The following IQCH variants were observed in gnomAD, a reference collection of about 807,000 sequenced individuals.
The protein encoded by IQCH is IQ domain-containing protein H.
Under a neutral mutation model 117.0 loss-of-function variants are expected in IQCH, and 98 were observed. The ratio of observed to expected loss-of-function variants is 0.84; its 90% CI spans 0.71 to 0.99. The LOEUF is 0.99. Among genes scored for constraint, IQCH ranks in the 50% least tolerant of loss-of-function variants. IQCH has a pLI of 0.00. For missense variants in IQCH, 1,102 were observed against 1,243.8 expected (o/e 0.89, Z 1.72); for synonymous variants, 412 against 448.2 (o/e 0.92, Z 1.02).
intron 14 of IQCH, among the ~76,000 whole-genome samples, chr15:67,412,270 C>G (rs1315171828): frequency 6.6e-6 from 1 of 152,162 alleles, no homozygotes; most frequent in Non-Finnish European, 1.5e-5. Flanking sequence ...GTCATTAGCT[C>G]TAAATGATCT....
chr15:67,336,885 C>T, intron 4 of IQCH, 90 bp from the exon 5 acceptor site: 2 of 1,270,068 alleles, frequency 1.6e-6, no homozygotes. Context: ...CTTAATGCAA[C>T]TATTCATAAC....
Position 67,395,401 on chromosome 15 carries a change from C to G in IQCH, c.1743C>G (p.His581Gln). The change falls in exon 13 of 21, where the codon CAC (histidine) becomes CAG (glutamine). Residue 581 changes from histidine to glutamine, a missense_variant. His to Gln is a conservative substitution (Grantham distance 24, BLOSUM62 0). Coordinates refer to ENST00000335894, the MANE Select transcript of IQCH (RefSeq NM_001031715.3). This position sits in a 1 kb window ranked among gnomAD's most constrained non-coding sequence, Gnocchi z 4.0. ...TEAYIVSGLLHRDDLAVADML... is the reference protein window; with the variant it reads ...TEAYIVSGLLQRDDLAVADML... The stretch of plus-strand genomic sequence containing the variant: ...CCTACATCGTCAGCGGGCTCCTCCA[C>G]AGAGATGATTTAGCTGTGGCCGATA... 6.2e-6 allele frequency: 10 copies of G among 1,614,122 alleles called. No individual in the cohort carries two copies. The highest frequency in any genetic ancestry group is 8.5e-6 in the Non-Finnish European group (10 of 1,179,994).
At chr15:67,340,560 T>TAACTACAA (rs2140672172) in intron 5 of IQCH, among the ~76,000 whole-genome samples, 1 of 151,746 alleles carries the variant, frequency 6.6e-6, no homozygotes, top group Non-Finnish European at 1.5e-5. Flanking sequence ...AGTTATGTCT[T>TAACTACAA]AGTACAAAGA....
chr15:67,471,322 C>T (rs2083066256), intron 17 of IQCH, among the ~76,000 whole-genome samples: 1 of 152,136 alleles, frequency 6.6e-6, no homozygotes, highest in South Asian at 2.1e-4. Flanking sequence ...CCTTATCAAA[C>T]CTACATAAAT....
chr15:67,496,178 G>A lies in IQCH; in HGVS notation c.2970+1812G>A, dbSNP rs1189329347. On this transcript the variant is annotated intron_variant, in intron 20 of 20. Transcript: ENST00000335894. This position sits in a 1 kb window ranked among gnomAD's most constrained non-coding sequence, Gnocchi z 4.4. ...CAAAAATTACAAAAATTAGCCAGGTGTGGTGGCTCATGCCTGTAGTCCCAG... is the reference window on the plus strand; with the variant it reads ...CAAAAATTACAAAAATTAGCCAGGTATGGTGGCTCATGCCTGTAGTCCCAG... Among the ~76,000 whole-genome samples, 2 of 152,036 alleles carry A rather than the reference G, an allele frequency of 1.3e-5. No individual in the cohort carries two copies. Among genetic ancestry groups the A allele is most frequent in the African/African-American group, 2.4e-5 (1 of 41,396 alleles).
rs1206256654 is a variant in IQCH at position 67,411,845 on chromosome 15, A to C, written c.2098-5086A>C. On this transcript the variant is annotated intron_variant, in intron 14 of 20. Transcript: ENST00000335894. This position sits in a 1 kb window ranked among gnomAD's most constrained non-coding sequence, Gnocchi z 4.4. Reference sequence around the variant, plus strand: ...ATTCATTCAGACATCTCTTCCTTCAAATTTACACTTTCTTGATAGAAAAAG... The same window carrying C: ...ATTCATTCAGACATCTCTTCCTTCACATTTACACTTTCTTGATAGAAAAAG... 6.6e-6 allele frequency among the ~76,000 whole-genome samples: 1 copy of C among 152,188 alleles called. No homozygotes were observed. Among genetic ancestry groups the C allele is most frequent in the East Asian group, 1.9e-4 (1 of 5,204 alleles).
chr15:67,273,732 G>C (rs1310197630), intron 3 of IQCH, among the ~76,000 whole-genome samples: 1 of 152,164 alleles, frequency 6.6e-6, no homozygotes, highest in Non-Finnish European at 1.5e-5. Context: ...GTATTCTGAG[G>C]TTGTTTATGT....
Position 67,356,802 on chromosome 15 carries a change from C to T in IQCH, c.638-543C>T, listed in dbSNP as rs1969904325. The stretch of plus-strand genomic sequence containing the variant: ...TCTAGCATGTGGGCCCATTCTTCCT[C>T]GACCATGGGCTAGGTGTGTTCTCTA... On this transcript the variant is annotated intron_variant, in intron 6 of 20. Coordinates refer to ENST00000335894, the MANE Select transcript of IQCH (RefSeq NM_001031715.3). The surrounding 1 kb of genome is among the most constrained non-coding windows in gnomAD (Gnocchi z 5.3). Among the ~76,000 whole-genome samples, 1 of 152,116 alleles carries T rather than the reference C, an allele frequency of 6.6e-6. No homozygotes were observed. The highest frequency in any genetic ancestry group is 2.1e-4 in the South Asian group (1 of 4,816).
intron 16 of IQCH, among the ~76,000 whole-genome samples, chr15:67,439,652 G>A (rs562808187): frequency 2.3e-4 from 35 of 152,182 alleles, no homozygotes; most frequent in Middle Eastern, 3.4e-3. Context: ...TTGGAAGGCC[G>A]AGGTGGGCGG....
Position 67,337,063 on chromosome 15 carries a change from C to A in IQCH, c.476C>A (p.Pro159His). The A allele has an allele frequency of 6.2e-7, 1 of 1,613,576 alleles. No homozygotes were observed. The highest frequency in any genetic ancestry group is 8.5e-7 in the Non-Finnish European group (1 of 1,179,688). ...SSHCTDPYFT[P>H]IPVLQADAHK... is the part of the protein sequence containing the mutation. ...CATTGCACAGATCCCTATTTCACTC[C>A]TATACCAGTCTTACAAGCAGATGCC... is the stretch of plus-strand genomic sequence containing the variant. Residue 159 changes from proline to histidine, a missense_variant, in exon 5 of 21, where the codon CCT (proline) becomes CAT (histidine). Coordinates refer to ENST00000335894, the MANE Select transcript of IQCH (RefSeq NM_001031715.3).
At chr15:67,499,550 A>C (rs912087553) in intron 20 of IQCH, among the ~76,000 whole-genome samples, 1 of 151,924 alleles carries the variant, frequency 6.6e-6, no homozygotes, top group Admixed American at 6.6e-5. Context: ...AGCAGTTTAT[A>C]AAAAAAATTA....
At chr15:67,281,099 C>T (rs1430057707) in intron 4 of IQCH, among the ~76,000 whole-genome samples, 1 of 152,158 alleles carries the variant, frequency 6.6e-6, no homozygotes, top group East Asian at 1.9e-4. Context: ...CCGCCTTGGC[C>T]TCCCAAAGTG....
chr15:67,406,196 C>G lies in IQCH; in HGVS notation c.2097+5891C>G, dbSNP rs1971896101. 1 of 152,166 alleles carries G rather than the reference C, an allele frequency of 6.6e-6. No individual in the cohort carries two copies. The highest frequency in any genetic ancestry group is 2.4e-5 in the African/African-American group (1 of 41,428). The allele number at this position is 152,166 out of a possible 1,614,324, so 9.4% of individuals were successfully genotyped here. On this transcript the variant is annotated intron_variant, in intron 14 of 20. Transcript: ENST00000335894. This position sits in a 1 kb window ranked among gnomAD's most constrained non-coding sequence, Gnocchi z 4.5. ...GCTTTGAGTAGCCCACCTTCACAAT[C>G]AGATGTAGCATTAAAAATATGGTAA...
chr15:67,421,372 T>TC lies in IQCH; in HGVS notation c.2301dup (p.Ser768GlnfsTer12). 6.2e-7 allele frequency: 1 copy of TC among 1,614,060 alleles called. No homozygotes were observed. The highest frequency in any genetic ancestry group is 1.1e-5 in the South Asian group (1 of 91,076). On this transcript the variant is annotated frameshift_variant, in exon 16 of 21. Coordinates refer to ENST00000335894, the MANE Select transcript of IQCH (RefSeq NM_001031715.3). LOFTEE classifies it high-confidence loss of function. ...ATGCTGATAGAGCCCAACGGGAAAATCAGCGTGCTGTCGACAGGGGACCAG... is the reference window on the plus strand; with the variant it reads ...ATGCTGATAGAGCCCAACGGGAAAATCCAGCGTGCTGTCGACAGGGGACCAG...
At chr15:67,294,907 TAA>T (rs1966843240) in intron 4 of IQCH, among the ~76,000 whole-genome samples, 5 of 152,208 alleles carry the variant, frequency 3.3e-5, no homozygotes, top group Admixed American at 1.3e-4. Flanking sequence ...TGGTTAAACC[TAA>T]CCAACTGCTC....
intron 4 of IQCH, among the ~76,000 whole-genome samples, chr15:67,292,232 G>A (rs1172866890): frequency 6.6e-6 from 1 of 152,060 alleles, no homozygotes; most frequent in Non-Finnish European, 1.5e-5. Flanking sequence ...AGAAATAAAT[G>A]TTGTTGTTGT....
At chr15:67,489,387 G>T (rs977935432) in intron 18 of IQCH, among the ~76,000 whole-genome samples, 2 of 152,002 alleles carry the variant, frequency 1.3e-5, no homozygotes, top group African/African-American at 4.8e-5. Flanking sequence ...GTGCAATGGC[G>T]TGACCTCGGC....
rs1234942642 is a variant in IQCH, at chr15:67,474,883, G to A, written c.2677-813G>A. ...CTATCTACCCTTGATATGAAGTGAGGAAAATGGCAGTTTGCCCACGTGGTC... is the reference window on the plus strand; with the variant it reads ...CTATCTACCCTTGATATGAAGTGAGAAAAATGGCAGTTTGCCCACGTGGTC... On this transcript the variant is annotated intron_variant, in intron 17 of 20. Coordinates refer to ENST00000335894, the MANE Select transcript of IQCH (RefSeq NM_001031715.3). This position sits in a 1 kb window ranked among gnomAD's most constrained non-coding sequence, Gnocchi z 4.1. 6.6e-6 allele frequency among the ~76,000 whole-genome samples: 1 copy of A among 152,196 alleles called. No individual in the cohort carries two copies. The highest frequency in any genetic ancestry group is 1.9e-4 in the East Asian group (1 of 5,206).
intron 13 of IQCH, among the ~76,000 whole-genome samples, chr15:67,398,230 C>T (rs1438815442): frequency 6.6e-6 from 1 of 152,124 alleles, no homozygotes; most frequent in African/African-American, 2.4e-5. Flanking sequence ...TTTCCTTACA[C>T]TAGCAAAAGA....
Sources: allele counts gnomAD v4.1 joint callset (sites outside exome capture counted in the v4.1 genomes callset), GRCh38; gene constraint gnomAD v4.1.1; non-coding constraint Gnocchi (gnomAD v3.1); transcripts MANE v1.5; gene names NCBI Gene and HGNC (gene_info 2026-07-23, HGNC 2026-07-21).